Variants in PDCD2 observed in about 807,000 individuals in gnomAD.
The protein encoded by PDCD2 is uS5 assembly chaperone PDCD2.
In PDCD2, 38 loss-of-function variants were observed where a neutral mutation model predicts 38.1. That is an observed-to-expected ratio of 1.00 (90% CI 0.77 to 1.31). The LOEUF (loss-of-function observed/expected upper bound fraction) is 1.31, where lower values mean the gene tolerates loss of function less well. Among genes scored for constraint, PDCD2 ranks in the 50% most tolerant of loss-of-function variants. The pLI, the probability that PDCD2 is intolerant of heterozygous loss-of-function variation, is 0.00. For missense variants in PDCD2, 473 were observed against 435.7 expected, an observed-to-expected ratio of 1.09 and a Z score of -0.76; for synonymous variants, 205 against 168.9, an observed-to-expected ratio of 1.21 and a Z score of -1.66.
chr6:170,579,126 G>A (rs1779525688), intron 4 of PDCD2, 156 bp from the exon 5 acceptor site: 1 of 572,180 alleles, frequency 1.7e-6, no homozygotes, highest in Non-Finnish European at 3.1e-6. Flanking sequence ...CTGTACCAGT[G>A]TGCCACTAAT....
Position 170,576,121 on chromosome 6 carries a change from C to T in PDCD2, c.*1438G>A, listed in dbSNP as rs1052436907. 6.6e-6 allele frequency: 1 copy of T among 152,168 alleles called. No homozygotes were observed. Among genetic ancestry groups the T allele is most frequent in the African/African-American group, 2.4e-5 (1 of 41,432 alleles). The allele number at this position is 152,168 out of a possible 1,614,324, so 9.4% of individuals were successfully genotyped here. A position where few individuals can be genotyped will look rare whatever the true frequency, so the allele number is the denominator to read the frequency against. ...TATAGGTGATTTTCATAGATTTAGC[C>T]ATCCCAGGTTCGAAACTAGTATCCT... On this transcript the variant is annotated 3_prime_UTR_variant, in exon 6 of 6. Transcript: ENST00000541970.
intron 3 of PDCD2, chr6:170,582,397 T>C: frequency 6.6e-7 from 1 of 1,508,524 alleles, no homozygotes; most frequent in Admixed American, 2.1e-5. Flanking sequence ...TGTGGTGGTT[T>C]TGTGTATGGC....
rs183935437 is a variant in PDCD2, at chr6:170,577,423, T to C, written c.*136A>G. 392 of 727,036 alleles carry C rather than the reference T, an allele frequency of 5.4e-4. 1 individual carries two copies. In the Middle Eastern group the frequency reaches 7.1e-3, roughly 13 times the overall value. 45.0% of individuals were successfully genotyped at this position (727,036 alleles called of 1,614,324 possible). Reference sequence around the variant, plus strand: ...TGGACACTTTTGTTTCACTAATAAGTAGACACTGTGTAAGCAATCTGTCAA... The same window carrying C: ...TGGACACTTTTGTTTCACTAATAAGCAGACACTGTGTAAGCAATCTGTCAA... On this transcript the variant is annotated 3_prime_UTR_variant, in exon 6 of 6. Coordinates refer to ENST00000541970, the MANE Select transcript of PDCD2 (RefSeq NM_002598.4).
chr6:170,583,777 C>T, intron 1 of PDCD2, 30 bp from the exon 2 acceptor site: 1 of 1,544,520 alleles, frequency 6.5e-7, no homozygotes, highest in Non-Finnish European at 8.9e-7. Flanking sequence ...AAAGTTTTAT[C>T]TTCAAACAAA....
chr6:170,582,249 T>G, intron 3 of PDCD2: 1 of 1,452,740 alleles, frequency 6.9e-7, no homozygotes, highest in Admixed American at 2.0e-5. Context: ...ACTGGAGTGT[T>G]GCTTCCCATT....
rs1779666586 is a variant in PDCD2, at chr6:170,583,119, T to C, written c.596A>G (p.Glu199Gly). 1 of 1,612,792 alleles carries C rather than the reference T, an allele frequency of 6.2e-7. No individual in the cohort carries two copies. Among genetic ancestry groups the C allele is most frequent in the Admixed American group, 1.7e-5 (1 of 59,958 alleles). ...FPEFEIVIETEDEIMPEVVEK... is the reference protein window; with the variant it reads ...FPEFEIVIETGDEIMPEVVEK... ...CACAACCTCAGGCATAATCTCATCT[T>C]CTGTTTCTATTACAATTTCAAATTC... The change falls in exon 3 of 6, where the codon GAA becomes GGA. Residue 199 changes from glutamate (E) to glycine (G), a missense_variant. Physicochemically the swap from Glu to Gly is moderately conservative, Grantham distance 98. Transcript: ENST00000541970.
chr6:170,580,260 A>G (rs1271611205), intron 3 of PDCD2, among the ~76,000 whole-genome samples, 155 bp from the exon 4 acceptor site: 3 of 152,104 alleles, frequency 2.0e-5, no homozygotes, highest in Non-Finnish European at 4.4e-5. Context: ...ACTCCATCCA[A>G]CTCTATTATA....
chr6:170,577,906 T>C (rs1305233783), intron 5 of PDCD2, among the ~76,000 whole-genome samples, 189 bp from the exon 6 acceptor site: 1 of 152,222 alleles, frequency 6.6e-6, no homozygotes, highest in Admixed American at 6.5e-5. Context: ...CCTCTCACCT[T>C]CTGTTTGGTC....
rs1562367359 is a variant in PDCD2, at chr6:170,580,004, GT to G, written c.759del (p.Glu253AspfsTer46). On this transcript the variant is annotated frameshift_variant, in exon 4 of 6. Transcript: ENST00000541970. LOFTEE classifies it high-confidence loss of function. ...KFKTQIALEP[E>X]QILRYGRGIA... ...AGGAGCTATGAGCTCCACTTTACCT[GT>G]TCTGGTTCAAGGGCTATCTGAGTTT... 1 of 1,517,084 alleles carries G rather than the reference GT, an allele frequency of 6.6e-7. No individual in the cohort carries two copies. The highest frequency in any genetic ancestry group is 1.7e-5 in the Admixed American group (1 of 59,886). The allele number at this position is 1,517,084 out of a possible 1,614,324, so 94.0% of individuals were successfully genotyped here.
At chr6:170,584,027 AT>A in intron 1 of PDCD2, 2 of 541,352 alleles carry the variant, frequency 3.7e-6, no homozygotes, top group South Asian at 5.2e-5. Context: ...TTCCAAGACA[AT>A]TTCTATTATC....
chr6:170,584,319 G>T lies in PDCD2; in HGVS notation c.263C>A (p.Pro88Gln). 6.7e-7 allele frequency: 1 copy of T among 1,495,044 alleles called. No individual in the cohort carries two copies. Among genetic ancestry groups the T allele is most frequent in the Non-Finnish European group, 8.9e-7 (1 of 1,128,722 alleles). The allele number at this position is 1,495,044 out of a possible 1,614,324, so 92.6% of individuals were successfully genotyped here. The part of the protein sequence containing the change: ...CIFLFCCREQ[P>Q]CCAGLRVFRN... The stretch of plus-strand genomic sequence containing the variant: ...CTCACCTCGCAGGCCGGCACAGCAC[G>T]GCTGCTCGCGGCAGCAGAAGAGGAA... Residue 88 changes from proline (P) to glutamine (Q), a missense_variant, in exon 1 of 6, where the codon CCG (proline) becomes CAG (glutamine). By Grantham distance (76) the Pro-to-Gln change is moderately conservative. Coordinates refer to ENST00000541970, the MANE Select transcript of PDCD2 (RefSeq NM_002598.4).
chr6:170,577,814 T>C, intron 5 of PDCD2, 97 bp from the exon 6 acceptor site: 1 of 1,074,162 alleles, frequency 9.3e-7, no homozygotes, highest in Admixed American at 2.2e-5. Flanking sequence ...GGTCTTTCAA[T>C]CCTCATACTA....
At chr6:170,581,077 C>T (rs561351788) in intron 3 of PDCD2, 1 of 152,262 alleles carries the variant, frequency 6.6e-6, no homozygotes, top group Non-Finnish European at 1.5e-5. Flanking sequence ...ACACAGCTAC[C>T]TCCAGGAAGC....
chr6:170,579,856 G>A (rs999787743), intron 4 of PDCD2, 146 bp downstream of exon 4: 2 of 590,710 alleles, frequency 3.4e-6, no homozygotes, highest in African/African-American at 3.7e-5. Flanking sequence ...TCTGTGTGAG[G>A]AACTCCTCTA....
chr6:170,580,221 T>C, intron 3 of PDCD2, 116 bp from the exon 4 acceptor site: 1 of 638,282 alleles, frequency 1.6e-6, no homozygotes, highest in African/African-American at 1.8e-5. Flanking sequence ...TATTCACTCA[T>C]TCAAGTTGGA....
At chr6:170,581,291 G>A (rs1290156457) in intron 3 of PDCD2, 1 of 151,970 alleles carries the variant, frequency 6.6e-6, no homozygotes, top group Admixed American at 6.6e-5. Flanking sequence ...TGTACCCCTC[G>A]AAGGCAAACT....
Position 170,584,528 on chromosome 6 carries a change from C to G in PDCD2, c.54G>C (p.Pro18=). The G allele has an allele frequency of 1.5e-6, 2 of 1,364,930 alleles. No individual in the cohort carries two copies. Among genetic ancestry groups the G allele is most frequent in the Non-Finnish European group, 1.9e-6 (2 of 1,060,882 alleles). 84.6% of individuals were successfully genotyped at this position (1,364,930 alleles called of 1,614,324 possible). A position where few individuals can be genotyped will look rare whatever the true frequency, so the allele number is the denominator to read the frequency against. The change falls in exon 1 of 6, where the codon CCG becomes CCC. Residue 18 remains proline (P), a synonymous_variant. Coordinates refer to ENST00000541970, the MANE Select transcript of PDCD2 (RefSeq NM_002598.4). ...ACTGCTCGCTGCGCAGTCGCCACGC[C>G]GGCGCCGACTCGGCGAAGCCCAGCT... is the stretch of plus-strand genomic sequence containing the variant. The part of the protein sequence containing the change: ...PVELGFAESA[P]AWRLRSEQFP...
rs773627937 is a variant in PDCD2 at position 170,583,756 on chromosome 6, G to C, written c.284-9C>G. Reference sequence around the variant, plus strand: ...TAGTTGATTCCTAAAAACTAAAAAAGAATACAGAGAAAAGTTTTATCTTCA... The same window carrying C: ...TAGTTGATTCCTAAAAACTAAAAAACAATACAGAGAAAAGTTTTATCTTCA... On this transcript the variant is annotated splice_polypyrimidine_tract_variant and intron_variant, in intron 1 of 5. Transcript: ENST00000541970. 19 of 1,596,250 alleles carry C rather than the reference G, an allele frequency of 1.2e-5. No homozygotes were observed. Among genetic ancestry groups the C allele is most frequent in the Non-Finnish European group, 1.5e-5 (17 of 1,167,230 alleles).
At position 170,578,614 on chromosome 6, in the gene PDCD2, T is replaced by G. The variant is rs529226086; in HGVS notation, c.876+243A>C. 1.3e-4 allele frequency: 93 copies of G among 702,666 alleles called. No homozygotes were observed. In the African/African-American group the frequency reaches 1.4e-3, roughly 11 times the overall value. 43.5% of individuals were successfully genotyped at this position (702,666 alleles called of 1,614,324 possible). A position where few individuals can be genotyped will look rare whatever the true frequency, so the allele number is the denominator to read the frequency against. The stretch of plus-strand genomic sequence containing the variant: ...CTGGAGGTGGAGAGCAGTGTAGATA[T>G]CCTCATTGTCACAGAAGTCAGTCAA... On this transcript the variant is annotated intron_variant, in intron 5 of 5. Transcript: ENST00000541970.
Sources: allele counts gnomAD v4.1 joint callset (sites outside exome capture counted in the v4.1 genomes callset), GRCh38; gene constraint gnomAD v4.1.1; transcripts MANE v1.5; gene names NCBI Gene and HGNC (gene_info 2026-07-23, HGNC 2026-07-21).